Variants in KIRREL1 observed in about 807,000 individuals in gnomAD.
The protein encoded by KIRREL1 is kirre like nephrin family adhesion molecule 1.
A neutral mutation model predicts 83.3 loss-of-function variants in KIRREL1; 25 were observed. That is an observed-to-expected ratio of 0.30 (90% CI 0.22 to 0.42). The LOEUF is 0.42. Among genes scored for constraint, KIRREL1 ranks in the 10% least tolerant of loss-of-function variants. The pLI is 1.00. For synonymous variants in KIRREL1, 388 were observed against 410.4 expected, an observed-to-expected ratio of 0.95 and a Z score of 0.66; for missense variants, 812 against 1,032.3, an observed-to-expected ratio of 0.79 and a Z score of 2.92.
At chr1:158,083,163 C>T (rs1305871988) in intron 3 of KIRREL1, among the ~76,000 whole-genome samples, 3 of 152,144 alleles carry the variant, frequency 2.0e-5, no homozygotes, top group African/African-American at 7.2e-5. Flanking sequence ...CATCATACAT[C>T]GGTCAATTGA....
At chr1:158,028,112 C>T (rs1221279193) in intron 1 of KIRREL1, among the ~76,000 whole-genome samples, 2 of 152,196 alleles carry the variant, frequency 1.3e-5, no homozygotes, top group Non-Finnish European at 2.9e-5. Context: ...CATTCCTGCC[C>T]CCAGGCTTGG....
chr1:158,091,596 G>T (rs1183053574), intron 11 of KIRREL1, 40 bp downstream of exon 11: 3 of 1,591,336 alleles, frequency 1.9e-6, no homozygotes, highest in Non-Finnish European at 2.6e-6. Context: ...GTGCAGAGCA[G>T]CCTGAGGATT....
chr1:158,013,283 T>G (rs2101640307), intron 1 of KIRREL1, among the ~76,000 whole-genome samples: 1 of 152,292 alleles, frequency 6.6e-6, no homozygotes, highest in East Asian at 1.9e-4. Context: ...CTGTCCTGGG[T>G]TAGGGCTAAG....
intron 2 of KIRREL1, among the ~76,000 whole-genome samples, chr1:158,077,601 G>A (rs1380295688): frequency 6.6e-6 from 1 of 152,190 alleles, no homozygotes; most frequent in Non-Finnish European, 1.5e-5. Flanking sequence ...GCTCCCATGA[G>A]CTCATGTCTG....
chr1:158,023,174 T>C (rs1256036384), intron 1 of KIRREL1, among the ~76,000 whole-genome samples: 2 of 152,126 alleles, frequency 1.3e-5, no homozygotes, highest in South Asian at 2.1e-4. Flanking sequence ...CCAGGCCCCA[T>C]TTTCCTTTGG....
At chr1:158,003,317 A>G (rs1388879812) in intron 1 of KIRREL1, among the ~76,000 whole-genome samples, 1 of 152,222 alleles carries the variant, frequency 6.6e-6, no homozygotes, top group Non-Finnish European at 1.5e-5. Context: ...ACCCAAGGCT[A>G]GGCAGGCTGG....
At chr1:158,085,280 G>A (rs898083904) in intron 4 of KIRREL1, among the ~76,000 whole-genome samples, 1 of 152,206 alleles carries the variant, frequency 6.6e-6, no homozygotes, top group Admixed American at 6.5e-5. Flanking sequence ...TCAGCCCTTT[G>A]CTGGTGCTGC....
At position 158,055,930 on chromosome 1, in the gene KIRREL1, T is replaced by C. The variant is rs1176416571; in HGVS notation, c.53-20183T>C. 4.6e-5 allele frequency among the ~76,000 whole-genome samples: 7 copies of C among 152,300 alleles called. No individual in the cohort carries two copies. In the East Asian group the frequency reaches 1.4e-3, roughly 29 times the overall value. On this transcript the variant is annotated intron_variant, in intron 1 of 14. Transcript: ENST00000359209. ...GGGACAGCAGTAACTTTGGCAGCTT[T>C]ACCTCTTCCGCATCTACCACCTGAG...
At chr1:158,058,131 G>C (rs1267752875) in intron 1 of KIRREL1, among the ~76,000 whole-genome samples, 1 of 152,144 alleles carries the variant, frequency 6.6e-6, no homozygotes, top group Non-Finnish European at 1.5e-5. Flanking sequence ...CTGCGGGTCT[G>C]GTCCAGAGTG....
At chr1:158,063,923 G>A (rs1165988257) in intron 1 of KIRREL1, among the ~76,000 whole-genome samples, 1 of 152,178 alleles carries the variant, frequency 6.6e-6, no homozygotes, top group East Asian at 1.9e-4. Context: ...GATGATGGCA[G>A]GACTAGGTCT....
At chr1:158,045,178 G>T (rs1660745363) in intron 1 of KIRREL1, among the ~76,000 whole-genome samples, 2 of 152,204 alleles carry the variant, frequency 1.3e-5, no homozygotes, top group Non-Finnish European at 2.9e-5. Context: ...GGTGATAGAA[G>T]TGAGGAGTGT....
intron 1 of KIRREL1, among the ~76,000 whole-genome samples, chr1:158,057,746 T>C (rs1444637126): frequency 6.6e-6 from 1 of 152,194 alleles, no homozygotes; most frequent in Non-Finnish European, 1.5e-5. Context: ...GAAAAGTATA[T>C]GGAAATTCTG....
In KIRREL1 at chr1:158,095,161, G is replaced by C. The variant is rs1278522791; in HGVS notation, c.*41G>C. 5 of 1,398,574 alleles carry C rather than the reference G, an allele frequency of 3.6e-6. No homozygotes were observed. In the African/African-American group the frequency reaches 4.3e-5, roughly 12 times the overall value. The allele number at this position is 1,398,574 out of a possible 1,614,324, so 86.6% of individuals were successfully genotyped here. A position where few individuals can be genotyped will look rare whatever the true frequency, so the allele number is the denominator to read the frequency against. ...TGGGGCATCTCTGCGGGGCAGAGGA[G>C]AAGGCTTTCACAGCTGTTCCCTGAT... On this transcript the variant is annotated 3_prime_UTR_variant, in exon 15 of 15. Coordinates refer to ENST00000359209, the MANE Select transcript of KIRREL1 (RefSeq NM_018240.7).
At chr1:158,093,817 C>T (rs558178207) in intron 13 of KIRREL1, 55 bp downstream of exon 13, 200 of 1,597,992 alleles carry the variant, frequency 1.3e-4, no homozygotes, top group Non-Finnish European at 1.6e-4. Context: ...TGAGGACCAG[C>T]TCCATCCCAG....
intron 1 of KIRREL1, among the ~76,000 whole-genome samples, chr1:158,031,795 A>T (rs144279359): frequency 2.6e-5 from 4 of 152,302 alleles, no homozygotes; most frequent in Middle Eastern, 3.4e-3. Context: ...CTAAAAATGG[A>T]CAGATGAAGC....
intron 1 of KIRREL1, among the ~76,000 whole-genome samples, chr1:158,054,212 CAAAAAAAAAAAA>C (rs57034495): frequency 3.5e-5 from 3 of 85,116 alleles, no homozygotes; most frequent in African/African-American, 1.1e-4. Flanking sequence ...GACTCCATCT[CAAAAAAAAAAAA>C]AAAAAAAAAA....
chr1:158,043,765 G>A (rs557123191), intron 1 of KIRREL1, among the ~76,000 whole-genome samples: 1 of 152,294 alleles, frequency 6.6e-6, no homozygotes, highest in African/African-American at 2.4e-5. Flanking sequence ...GACACTGGGG[G>A]TGGGGGTGCG....
chr1:158,014,135 C>T (rs1370176019), intron 1 of KIRREL1, among the ~76,000 whole-genome samples: 1 of 150,702 alleles, frequency 6.6e-6, no homozygotes, highest in Admixed American at 6.6e-5. Flanking sequence ...AAAAACAGAG[C>T]TACGTGGGGG....
chr1:158,028,354 G>T (rs1660230150), intron 1 of KIRREL1, among the ~76,000 whole-genome samples: 1 of 152,190 alleles, frequency 6.6e-6, no homozygotes, highest in Non-Finnish European at 1.5e-5. Context: ...GTGTGTAGCT[G>T]TGTGATGTGT....
Sources: allele counts gnomAD v4.1 joint callset (sites outside exome capture counted in the v4.1 genomes callset), GRCh38; gene constraint gnomAD v4.1.1; transcripts MANE v1.5; gene names NCBI Gene and HGNC (gene_info 2026-07-23, HGNC 2026-07-21).